CNTNAP3B: variants seen among roughly 807,000 people sequenced by gnomAD.
The protein encoded by CNTNAP3B is contactin-associated protein-like 3B.
Under a neutral mutation model 108.9 loss-of-function variants are expected in CNTNAP3B, and 25 were observed. The observed-to-expected ratio is 0.23, with a 90% confidence interval of 0.17 to 0.32. The LOEUF is 0.32. CNTNAP3B is among the 10% of genes least tolerant of loss of function. The pLI is 1.00. For missense variants in CNTNAP3B, 252 were observed against 1,210.4 expected (o/e 0.21, Z 11.75); for synonymous variants, 103 against 473.4 (o/e 0.22, Z 10.16).
In CNTNAP3B at chr9:42,086,240, GA is replaced by G. The variant is rs1239725318; in HGVS notation, c.197-9179del. On this transcript the variant is annotated intron_variant, in intron 2 of 23. Coordinates refer to ENST00000377561, the MANE Select transcript of CNTNAP3B (RefSeq NM_001201380.3). ...TCTCAACTACGAGAACAGTATGGGG[GA>G]AACCGCCCCCATGATTCAGTTATCT... 5.1e-3 allele frequency among the ~76,000 whole-genome samples: 717 copies of G among 141,822 alleles called. 6 individuals carry two copies. Among genetic ancestry groups the G allele is most frequent in the African/African-American group, 0.014 (499 of 36,246 alleles). 93.0% of individuals were successfully genotyped at this position (141,822 alleles called of 152,430 possible).
chr9:42,125,671 T>TG lies in CNTNAP3B; in HGVS notation c.85+3338_85+3339insC, dbSNP rs1333478122. Among the ~76,000 whole-genome samples the TG allele has an allele frequency of 3.8e-5, 5 of 131,876 alleles. 1 individual carries two copies. Among genetic ancestry groups the TG allele is most frequent in the Non-Finnish European group, 8.0e-5 (5 of 62,130 alleles). The allele number at this position is 131,876 out of a possible 152,430, so 86.5% of individuals were successfully genotyped here. ...CATGTGAACTACATTTTTTGTTTTTTTTTTTTTGTTTTTTTTTGAGACAGA... is the reference window on the plus strand; with the variant it reads ...CATGTGAACTACATTTTTTGTTTTTTGTTTTTTTGTTTTTTTTTGAGACAGA... On this transcript the variant is annotated intron_variant, in intron 1 of 23. Coordinates refer to ENST00000377561, the MANE Select transcript of CNTNAP3B (RefSeq NM_001201380.3).
chr9:42,117,187 T>C (rs1235731273), intron 1 of CNTNAP3B, among the ~76,000 whole-genome samples: 1 of 135,844 alleles, frequency 7.4e-6, no homozygotes, highest in Non-Finnish European at 1.6e-5. Context: ...AATAGACATC[T>C]ACAGAACTCT....
chr9:41,964,329 C>A (rs1396297367), intron 11 of CNTNAP3B, among the ~76,000 whole-genome samples: 1 of 152,174 alleles, frequency 6.6e-6, no homozygotes, highest in African/African-American at 2.4e-5. Context: ...TTCTTTTTTT[C>A]AATCCTATGC....
At chr9:41,954,374 T>G (rs1229016867) in intron 12 of CNTNAP3B, among the ~76,000 whole-genome samples, 2 of 152,274 alleles carry the variant, frequency 1.3e-5, no homozygotes, top group African/African-American at 2.4e-5. Context: ...AAGACAAATT[T>G]CACAGCCTTA....
At chr9:42,030,785 ATGTGT>A (rs1294078924) in intron 3 of CNTNAP3B, among the ~76,000 whole-genome samples, 50 of 42,738 alleles carry the variant, frequency 1.2e-3, no homozygotes, top group Non-Finnish European at 1.8e-3. Flanking sequence ...AGAGAGAGAG[ATGTGT>A]GCGAGAGAGA....
chr9:42,095,388 T>C (rs1587268015), intron 2 of CNTNAP3B, among the ~76,000 whole-genome samples: 1 of 139,442 alleles, frequency 7.2e-6, no homozygotes, highest in Admixed American at 7.1e-5. Context: ...TTTGATGTAC[T>C]TGGCTCTAGT....
intron 14 of CNTNAP3B, among the ~76,000 whole-genome samples, chr9:41,935,959 G>A (rs563080094): frequency 0.012 from 1,859 of 151,214 alleles, no homozygotes; most frequent in Non-Finnish European, 0.018. Flanking sequence ...TTCATGGGAG[G>A]GTCACTCAAT....
At chr9:41,956,124 C>T (rs1207370079) in intron 12 of CNTNAP3B, among the ~76,000 whole-genome samples, 30 of 152,302 alleles carry the variant, frequency 2.0e-4, no homozygotes, top group African/African-American at 4.8e-4. Context: ...TGGTGGCTCA[C>T]GCCTGTAATC....
intron 14 of CNTNAP3B, among the ~76,000 whole-genome samples, chr9:41,932,735 G>T (rs1352262257): frequency 2.0e-5 from 3 of 151,872 alleles, no homozygotes; most frequent in Admixed American, 1.3e-4. Context: ...GGTCAGGCTG[G>T]TCTCGAACTT....
chr9:42,051,979 GGT>G (rs1262254165), intron 3 of CNTNAP3B, among the ~76,000 whole-genome samples: 1 of 151,124 alleles, frequency 6.6e-6, no homozygotes, highest in Non-Finnish European at 1.5e-5. Context: ...AGAATGACAT[GGT>G]GTCTTTAAAA....
chr9:42,034,024 G>A lies in CNTNAP3B; in HGVS notation c.391-20499C>T, dbSNP rs1826573368. ...ACATATCGACTTTCTAACAACACAT[G>A]TCAGAAAAGGGTGCAGGTTGATTAT... On this transcript the variant is annotated intron_variant, in intron 3 of 23. Coordinates refer to ENST00000377561, the MANE Select transcript of CNTNAP3B (RefSeq NM_001201380.3). 2.0e-5 allele frequency among the ~76,000 whole-genome samples: 2 copies of A among 97,938 alleles called. 1 individual carries two copies. The highest frequency in any genetic ancestry group is 7.7e-5 in the African/African-American group (2 of 25,858). The allele number at this position is 97,938 out of a possible 152,430, so 64.3% of individuals were successfully genotyped here.
At chr9:41,960,961 T>C (rs1341107337) in intron 11 of CNTNAP3B, 69 bp from the exon 12 acceptor site, 1 of 1,539,184 alleles carries the variant, frequency 6.5e-7, no homozygotes, top group Non-Finnish European at 8.7e-7. Flanking sequence ...GTCCAAAGGT[T>C]TGCATTTCTG....
At chr9:42,119,205 A>G (rs1159073785) in intron 1 of CNTNAP3B, among the ~76,000 whole-genome samples, 1 of 114,560 alleles carries the variant, frequency 8.7e-6, no homozygotes, top group Non-Finnish European at 1.8e-5. Context: ...AGAGAGCCAA[A>G]TCATGAGTGA....
At chr9:42,041,885 A>G (rs1213240762) in intron 3 of CNTNAP3B, among the ~76,000 whole-genome samples, 1 of 145,302 alleles carries the variant, frequency 6.9e-6, no homozygotes, top group Non-Finnish European at 1.5e-5. Flanking sequence ...GCACATATAC[A>G]CCATGGAATA....
chr9:42,094,605 G>A (rs1325817658), intron 2 of CNTNAP3B, among the ~76,000 whole-genome samples: 1 of 128,450 alleles, frequency 7.8e-6, no homozygotes. Flanking sequence ...ACACTAAGCT[G>A]TGATCTTGCC....
intron 1 of CNTNAP3B, among the ~76,000 whole-genome samples, chr9:42,127,941 T>C (rs1454264135): frequency 7.2e-6 from 1 of 139,852 alleles, no homozygotes; most frequent in African/African-American, 2.8e-5. Context: ...TGCAATAATC[T>C]AAATTTCCAA....
chr9:41,942,332 C>T (rs757247025), intron 13 of CNTNAP3B, among the ~76,000 whole-genome samples: 5,181 of 149,596 alleles, frequency 0.035, 16 homozygotes, highest in Middle Eastern at 0.089. Context: ...AAAATTGGGT[C>T]GGGTGAGGTG....
chr9:41,930,590 CT>C (rs1202420818), intron 14 of CNTNAP3B, among the ~76,000 whole-genome samples: 1 of 152,132 alleles, frequency 6.6e-6, no homozygotes, highest in Non-Finnish European at 1.5e-5. Context: ...CAGCGCTCAC[CT>C]TTTGTCGAAC....
At chr9:41,916,433 G>T (rs1823518804) in intron 18 of CNTNAP3B, among the ~76,000 whole-genome samples, 1 of 151,650 alleles carries the variant, frequency 6.6e-6, no homozygotes. Flanking sequence ...TTTGTTTTTT[G>T]TGTGTAGATT....
Sources: gnomAD v4.1 joint callset for allele counts (sites outside exome capture counted in the v4.1 genomes callset) on GRCh38, gnomAD v4.1.1 for gene constraint, MANE v1.5 for transcripts, NCBI Gene and HGNC (gene_info 2026-07-23, HGNC 2026-07-21) for gene names.